Variants in AGBL4 observed in about 807,000 individuals in gnomAD.
AGBL4 encodes AGBL carboxypeptidase 4, also known as cytosolic carboxypeptidase 6.
A neutral mutation model predicts 66.4 loss-of-function variants in AGBL4; 58 were observed. That is an observed-to-expected ratio of 0.87 (90% CI 0.71 to 1.09). The LOEUF (loss-of-function observed/expected upper bound fraction) is 1.09, where lower values mean the gene tolerates loss of function less well. AGBL4 is among the 50% of genes least tolerant of loss of function. AGBL4 has a pLI of 0.00. For missense variants in AGBL4, 579 were observed against 631.0 expected, an observed-to-expected ratio of 0.92 and a Z score of 0.88; for synonymous variants, 234 against 222.9, an observed-to-expected ratio of 1.05 and a Z score of -0.44.
In AGBL4 at chr1:49,285,499, A is replaced by G. The variant is rs1223165106; in HGVS notation, c.283-39635T>C. Among the ~76,000 whole-genome samples, 3 of 152,250 alleles carry G rather than the reference A, an allele frequency of 2.0e-5. No homozygotes were observed. In the East Asian group the frequency reaches 5.8e-4, roughly 29 times the overall value. ...AGCAAACACATTCAAAAGCTAGCAG[A>G]AGGCAAGAAATAACTAAAATCAGCG... On this transcript the variant is annotated intron_variant, in intron 3 of 13. Transcript: ENST00000371839.
At chr1:48,766,499 G>A (rs1644538376) in intron 6 of AGBL4, among the ~76,000 whole-genome samples, 1 of 152,230 alleles carries the variant, frequency 6.6e-6, no homozygotes, top group Admixed American at 6.5e-5. Flanking sequence ...TCCTCAGTAA[G>A]TCTCCAGAAA....
chr1:49,335,729 A>C (rs1185183927), intron 3 of AGBL4, among the ~76,000 whole-genome samples: 4 of 152,050 alleles, frequency 2.6e-5, no homozygotes. Flanking sequence ...GTTAGTCAGG[A>C]TGGTCTCAAT....
intron 4 of AGBL4, among the ~76,000 whole-genome samples, chr1:49,070,286 G>C (rs2147933049): frequency 6.6e-6 from 1 of 152,080 alleles, no homozygotes; most frequent in East Asian, 1.9e-4. Context: ...GGAGTGGTGA[G>C]AGAAGGTATC....
At chr1:48,661,276 A>G (rs1646103239) in intron 7 of AGBL4, among the ~76,000 whole-genome samples, 1 of 152,200 alleles carries the variant, frequency 6.6e-6, no homozygotes, top group Non-Finnish European at 1.5e-5. Context: ...GGGCACTCAC[A>G]ATGAGCCCTG....
At chr1:48,610,967 C>T (rs1645229372) in intron 9 of AGBL4, among the ~76,000 whole-genome samples, 1 of 152,204 alleles carries the variant, frequency 6.6e-6, no homozygotes, top group Non-Finnish European at 1.5e-5. Context: ...CAGGGGCTGG[C>T]AGCTGGGTCC....
intron 5 of AGBL4, among the ~76,000 whole-genome samples, chr1:48,904,144 TG>T (rs781582996): frequency 4.8e-5 from 7 of 146,124 alleles, no homozygotes; most frequent in Non-Finnish European, 9.1e-5. Flanking sequence ...CTGGGTGTAG[TG>T]GTGGGCGCCT....
chr1:49,833,282 T>C (rs1038971217), intron 2 of AGBL4, among the ~76,000 whole-genome samples: 1 of 151,976 alleles, frequency 6.6e-6, no homozygotes, highest in African/African-American at 2.4e-5. Flanking sequence ...TTTCTCAGGT[T>C]TGTCAAAGAT....
At chr1:49,781,565 G>A (rs1009552982) in intron 2 of AGBL4, among the ~76,000 whole-genome samples, 7 of 152,186 alleles carry the variant, frequency 4.6e-5, no homozygotes, top group South Asian at 2.1e-4. Context: ...ACTGCAATAC[G>A]CCATTTTCAA....
rs149382482 is a variant in AGBL4 at position 48,700,182 on chromosome 1, C to T, written c.635-36941G>A. Among the ~76,000 whole-genome samples the T allele has an allele frequency of 4.8e-4, 73 of 152,270 alleles. No homozygotes were observed. In the South Asian group the frequency reaches 0.012, roughly 25 times the overall value. On this transcript the variant is annotated intron_variant, in intron 6 of 13. Coordinates refer to ENST00000371839, the MANE Select transcript of AGBL4 (RefSeq NM_032785.4). ...CACACACAATAGAGTCTATCAAATG[C>T]CTGCACATTGCTCATAGGTTCCCTC...
intron 2 of AGBL4, among the ~76,000 whole-genome samples, chr1:49,750,719 G>A (rs995329349): frequency 4.6e-5 from 7 of 152,180 alleles, no homozygotes; most frequent in African/African-American, 1.7e-4. Flanking sequence ...TCCTATCCAT[G>A]AGCATGGAAT....
chr1:48,854,683 C>T (rs944054670), intron 6 of AGBL4, among the ~76,000 whole-genome samples: 3 of 152,124 alleles, frequency 2.0e-5, no homozygotes, highest in African/African-American at 2.4e-5. Context: ...CTCAGCCAAT[C>T]GGCACAACAG....
intron 4 of AGBL4, among the ~76,000 whole-genome samples, chr1:49,109,919 TA>T (rs912441251): frequency 2.9e-4 from 44 of 152,152 alleles, no homozygotes; most frequent in African/African-American, 7.2e-5. Context: ...GAATGAATAA[TA>T]AAAAAAACTC....
intron 3 of AGBL4, among the ~76,000 whole-genome samples, chr1:49,545,475 T>C (rs1457051919): frequency 6.6e-6 from 1 of 152,186 alleles, no homozygotes; most frequent in Non-Finnish European, 1.5e-5. Flanking sequence ...AGCTAAGATA[T>C]ACTTGGATTC....
chr1:49,578,680 T>C (rs548089194), intron 3 of AGBL4, among the ~76,000 whole-genome samples: 1 of 152,328 alleles, frequency 6.6e-6, no homozygotes, highest in Admixed American at 6.5e-5. Context: ...CTTTATGTAA[T>C]AGTATTTGGG....
At chr1:49,804,933 T>C (rs929049499) in intron 2 of AGBL4, among the ~76,000 whole-genome samples, 1 of 152,128 alleles carries the variant, frequency 6.6e-6, no homozygotes, top group African/African-American at 2.4e-5. Flanking sequence ...GTTTCTTGGG[T>C]TGAATGGTGG....
intron 6 of AGBL4, among the ~76,000 whole-genome samples, chr1:48,720,390 C>A (rs1311898013): frequency 6.6e-6 from 1 of 152,202 alleles, no homozygotes; most frequent in South Asian, 2.1e-4. Flanking sequence ...ATGGAAAAAA[C>A]AGCTTATGAC....
intron 3 of AGBL4, among the ~76,000 whole-genome samples, chr1:49,317,255 T>C (rs929342848): frequency 1.3e-5 from 2 of 151,948 alleles, no homozygotes; most frequent in South Asian, 2.1e-4. Context: ...AAGTATAATG[T>C]AGTGTTTCAG....
At chr1:48,691,484 G>A (rs948999454) in intron 6 of AGBL4, among the ~76,000 whole-genome samples, 26 of 152,220 alleles carry the variant, frequency 1.7e-4, no homozygotes, top group African/African-American at 6.3e-4. Flanking sequence ...AAAGGAGGCA[G>A]AAACCACGAC....
At chr1:49,964,705 A>G (rs529742689) in intron 1 of AGBL4, among the ~76,000 whole-genome samples, 3 of 152,276 alleles carry the variant, frequency 2.0e-5, no homozygotes, top group African/African-American at 7.2e-5. Flanking sequence ...TGTCATTAAA[A>G]AATGAGAAAG....
Sources: allele counts gnomAD v4.1 joint callset (sites outside exome capture counted in the v4.1 genomes callset), GRCh38; gene constraint gnomAD v4.1.1; transcripts MANE v1.5; gene names NCBI Gene and HGNC (gene_info 2026-07-23, HGNC 2026-07-21).